The following MYOM3 variants were observed in gnomAD, a reference collection of about 807,000 sequenced individuals.
The protein encoded by MYOM3 is myomesin-3.
In MYOM3, 155 loss-of-function variants were observed where a neutral mutation model predicts 191.7. The observed-to-expected ratio is 0.81, with a 90% CI of 0.71 to 0.92. The LOEUF (loss-of-function observed/expected upper bound fraction) is 0.92, where lower values mean the gene tolerates loss of function less well. MYOM3 is among the 40% of genes least tolerant of loss of function. The pLI is 0.00. For synonymous variants in MYOM3, 757 were observed against 762.9 expected (o/e 0.99, Z 0.13); for missense variants, 1,889 against 1,890.6 (o/e 1.00, Z 0.02).
intron 18 of MYOM3, 84 bp downstream of exon 18, chr1:24,081,917 T>C: frequency 2.2e-6 from 3 of 1,339,996 alleles, no homozygotes; most frequent in Non-Finnish European, 3.1e-6. Context: ...TGTCAGCCTC[T>C]GTCAGACTCC....
chr1:24,068,999 C>T (rs746914940), intron 25 of MYOM3, among the ~76,000 whole-genome samples: 3 of 152,172 alleles, frequency 2.0e-5, no homozygotes, highest in Non-Finnish European at 4.4e-5. Context: ...GCTGGGATTA[C>T]AGTCGTGAGC....
intron 4 of MYOM3, among the ~76,000 whole-genome samples, 178 bp downstream of exon 4, chr1:24,106,895 C>T (rs889357629): frequency 1.3e-5 from 2 of 152,204 alleles, no homozygotes; most frequent in African/African-American, 4.8e-5. Flanking sequence ...AACACTGAGG[C>T]TCAGTAACAG....
At chr1:24,105,216 T>G (rs1350377101) in intron 5 of MYOM3, among the ~76,000 whole-genome samples, 1 of 152,178 alleles carries the variant, frequency 6.6e-6, no homozygotes, top group Non-Finnish European at 1.5e-5. Flanking sequence ...CGTTAAATTC[T>G]CATCACATGC....
Position 24,058,949 on chromosome 1 carries a change from T to A in MYOM3, c.4025A>T (p.Asp1342Val), listed in dbSNP as rs1643335213. ...NRAKVVRGLP[D>V]VATIMEDKTL... ...CTTATCTTCCATGATAGTGGCCACATCCGGCAGACCTCTCACCACTTTGGC... is the reference window on the plus strand; with the variant it reads ...CTTATCTTCCATGATAGTGGCCACAACCGGCAGACCTCTCACCACTTTGGC... Residue 1342 changes from aspartate to valine, a missense_variant, in exon 36 of 37, where the codon GAT (aspartate) becomes GTT (valine). Coordinates refer to ENST00000374434, the MANE Select transcript of MYOM3 (RefSeq NM_152372.4). 5 of 1,611,938 alleles carry A rather than the reference T, an allele frequency of 3.1e-6. No homozygotes were observed. The highest frequency in any genetic ancestry group is 4.2e-6 in the Non-Finnish European group (5 of 1,179,352).
At chr1:24,086,069 C>G (rs1414935184) in intron 15 of MYOM3, among the ~76,000 whole-genome samples, 5 of 152,018 alleles carry the variant, frequency 3.3e-5, no homozygotes, top group Non-Finnish European at 7.4e-5. Flanking sequence ...CCCTGGGAAG[C>G]TGGGGTCAGG....
intron 12 of MYOM3, 118 bp from the exon 13 acceptor site, chr1:24,090,236 G>A (rs139191618): frequency 2.6e-4 from 215 of 812,264 alleles, no homozygotes; most frequent in African/African-American, 2.6e-3. Flanking sequence ...TGCAGCCCTC[G>A]CTGTGCAACC....
intron 28 of MYOM3, 175 bp downstream of exon 28, chr1:24,066,846 G>T: frequency 3.5e-6 from 2 of 576,706 alleles, no homozygotes; most frequent in Non-Finnish European, 3.0e-6. Context: ...TGGGAAGGTG[G>T]GTTTGCTTTT....
At chr1:24,084,371 C>CTGAT (rs1444688720) in intron 16 of MYOM3, 97 bp downstream of exon 16, 2 of 1,379,364 alleles carry the variant, frequency 1.4e-6, no homozygotes, top group African/African-American at 2.9e-5. Flanking sequence ...GAACTGTGAG[C>CTGAT]TGATTAAACC....
intron 9 of MYOM3, among the ~76,000 whole-genome samples, chr1:24,093,378 T>G (rs919058143): frequency 6.6e-6 from 1 of 151,864 alleles, no homozygotes; most frequent in African/African-American, 2.4e-5. Context: ...ACATAGCCAG[T>G]GACAAGGTGA....
At chr1:24,091,104 C>T in intron 11 of MYOM3, 108 bp from the exon 12 acceptor site, 1 of 1,270,172 alleles carries the variant, frequency 7.9e-7, no homozygotes, top group Non-Finnish European at 1.1e-6. Context: ...CCCAGCTCAT[C>T]TCTGCCAATT....
chr1:24,077,348 A>G (rs1237168283), intron 20 of MYOM3, among the ~76,000 whole-genome samples: 1 of 152,112 alleles, frequency 6.6e-6, no homozygotes, highest in Non-Finnish European at 1.5e-5. Flanking sequence ...AGTACCTATA[A>G]TCTTCCTAAC....
At position 24,063,001 on chromosome 1, in the gene MYOM3, GCTCTGCTTGGGGGACCAGAAA is replaced by G. The variant is rs1643390216; in HGVS notation, c.3770+104_3770+124del. The G allele has an allele frequency of 1.1e-5, 7 of 621,082 alleles. No homozygotes were observed. The highest frequency in any genetic ancestry group is 2.1e-5 in the Non-Finnish European group (7 of 341,202). The allele number at this position is 621,082 out of a possible 1,614,324, so 38.5% of individuals were successfully genotyped here. On this transcript the variant is annotated intron_variant, in intron 32 of 36. Transcript: ENST00000374434. The surrounding 1 kb of genome is among the most constrained non-coding windows in gnomAD (Gnocchi z 4.5). The stretch of plus-strand genomic sequence containing the variant: ...TGTCTCTGCTAACCCCTGGGACCAG[GCTCTGCTTGGGGGACCAGAAA>G]CTCTGCTTGGAGGACCAGGCAGGGA...
At position 24,068,365 on chromosome 1, in the gene MYOM3, G is replaced by T. The variant is rs983804552; in HGVS notation, c.3153C>A (p.Asn1051Lys). Residue 1051 changes from asparagine (N) to lysine (K), a missense_variant and splice_region_variant, in exon 26 of 37, where the codon AAC (asparagine) becomes AAA (lysine). Asn to Lys is a moderately conservative substitution (Grantham distance 94). Transcript: ENST00000374434. ...TCTCTCGGTCAAAATTGATTTTGCG[G>T]TTCTGAAAAGGACAAACTCCAGAGT... The part of the protein sequence containing the change: ...FNNKEIFSSP[N>K]RKINFDREKG... 6 of 1,614,100 alleles carry T rather than the reference G, an allele frequency of 3.7e-6. No individual in the cohort carries two copies. Among genetic ancestry groups the T allele is most frequent in the Middle Eastern group, 1.6e-4 (1 of 6,062 alleles).
rs374538779 is a variant in MYOM3, at chr1:24,092,167, G to A, written c.1232+7C>T. The stretch of plus-strand genomic sequence containing the variant: ...TAGGGCCTCTGCCACTCACGAGGTC[G>A]ACTCACCGCTCAATGGTGTAGGCAG... On this transcript the variant is annotated splice_region_variant and intron_variant, in intron 11 of 36. Coordinates refer to ENST00000374434, the MANE Select transcript of MYOM3 (RefSeq NM_152372.4). 23 of 1,449,798 alleles carry A rather than the reference G, an allele frequency of 1.6e-5. No individual in the cohort carries two copies. In the African/African-American group the frequency reaches 1.8e-4, roughly 11 times the overall value. The allele number at this position is 1,449,798 out of a possible 1,614,324, so 89.8% of individuals were successfully genotyped here. A position where few individuals can be genotyped will look rare whatever the true frequency, so the allele number is the denominator to read the frequency against.
At position 24,073,268 on chromosome 1, in the gene MYOM3, A is replaced by C. The variant is rs111305394; in HGVS notation, c.2968+892T>G. On this transcript the variant is annotated intron_variant, in intron 23 of 36. Coordinates refer to ENST00000374434, the MANE Select transcript of MYOM3 (RefSeq NM_152372.4). ...CTGGCTTCTGTTTCTTAACAAAATC[A>C]AAAGGCCCCATGTGCCATGAGCAGG... Among the ~76,000 whole-genome samples the C allele has an allele frequency of 5.4e-3, 827 of 152,298 alleles. 14 individuals are homozygous for C. Among genetic ancestry groups the C allele is most frequent in the African/African-American group, 0.019 (769 of 41,558 alleles).
chr1:24,056,605 G>A lies in MYOM3; in HGVS notation c.*759C>T, dbSNP rs1643304319. ...GCTGGTCTAAAACTCCTGACCTCAG[G>A]TGATCTGCCCGCCTTGGCCTCCCAA... On this transcript the variant is annotated 3_prime_UTR_variant, in exon 37 of 37. Transcript: ENST00000374434. The A allele has an allele frequency of 6.6e-6, 1 of 152,242 alleles. No individual in the cohort carries two copies. Among genetic ancestry groups the A allele is most frequent in the Admixed American group, 6.5e-5 (1 of 15,268 alleles). 9.4% of individuals were successfully genotyped at this position (152,242 alleles called of 1,614,324 possible). A position where few individuals can be genotyped will look rare whatever the true frequency, so the allele number is the denominator to read the frequency against.
chr1:24,085,139 T>TGGAC (rs1316591460), intron 15 of MYOM3, among the ~76,000 whole-genome samples: 3 of 151,392 alleles, frequency 2.0e-5, no homozygotes, highest in Non-Finnish European at 2.9e-5. Flanking sequence ...GATGGATGGA[T>TGGAC]GGACAGATGG....
intron 29 of MYOM3, 44 bp from the exon 30 acceptor site, chr1:24,064,203 G>T: frequency 6.6e-7 from 1 of 1,515,790 alleles, no homozygotes; most frequent in Non-Finnish European, 9.1e-7. Context: ...ATGGGCTCCA[G>T]AAGGAGAGAT....
intron 1 of MYOM3, among the ~76,000 whole-genome samples, chr1:24,110,862 G>T (rs1227458292): frequency 6.6e-6 from 1 of 152,206 alleles, no homozygotes; most frequent in Non-Finnish European, 1.5e-5. Flanking sequence ...CCTAGGTGGA[G>T]CAAGGACCCC....
Sources: gnomAD v4.1 joint callset for allele counts (sites outside exome capture counted in the v4.1 genomes callset) on GRCh38, gnomAD v4.1.1 for gene constraint, Gnocchi (gnomAD v3.1) non-coding constraint, MANE v1.5 for transcripts, NCBI Gene and HGNC (gene_info 2026-07-23, HGNC 2026-07-21) for gene names.